The following AKR1E2 variants were observed in gnomAD, a reference collection of about 807,000 sequenced individuals.
The protein encoded by AKR1E2 is 1,5-anhydro-D-fructose reductase.
AKR1E2 carries 43 observed loss-of-function variants against 41.9 expected under a neutral mutation model. That is an observed-to-expected ratio of 1.03 (90% CI 0.80 to 1.32). AKR1E2 has a LOEUF of 1.32. Ranked by LOEUF, AKR1E2 falls within the 40% of genes most tolerant of loss-of-function variation. AKR1E2 has a pLI of 0.00. For synonymous variants in AKR1E2, 121 were observed against 138.9 expected, an observed-to-expected ratio of 0.87 and a Z score of 0.91; for missense variants, 423 against 396.5, an observed-to-expected ratio of 1.07 and a Z score of -0.57.
chr10:4,866,155 C>G, the AKR1E2 span, among the ~76,000 whole-genome samples: 4 of 152,146 alleles, frequency 2.6e-5, no homozygotes, highest in Non-Finnish European at 5.9e-5. Flanking sequence ...CAAAGTGATC[C>G]TCTTTATCAT....
chr10:4,853,233 G>A, the AKR1E2 span, among the ~76,000 whole-genome samples: 1 of 152,126 alleles, frequency 6.6e-6, no homozygotes, highest in Non-Finnish European at 1.5e-5. Context: ...TAATAAGTCT[G>A]GCTTTGTAGA....
chr10:4,848,884 C>T (rs183066086), downstream of AKR1E2, among the ~76,000 whole-genome samples: 11 of 152,340 alleles, frequency 7.2e-5, no homozygotes, highest in East Asian at 1.2e-3. Flanking sequence ...GGAGGAATTG[C>T]AGCACCTCCC....
At chr10:4,853,978 T>G in the AKR1E2 span, among the ~76,000 whole-genome samples, 1 of 152,062 alleles carries the variant, frequency 6.6e-6, no homozygotes, top group African/African-American at 2.4e-5. Flanking sequence ...GCAGAAATAA[T>G]GTACTCCTTG....
At position 4,830,991 on chromosome 10, in the gene AKR1E2, T is replaced by C. The variant is rs779582424; in HGVS notation, c.207+149T>C. 3.6e-4 allele frequency: 371 copies of C among 1,044,908 alleles called. 1 individual carries two copies. Among genetic ancestry groups the C allele is most frequent in the Middle Eastern group, 2.9e-3 (9 of 3,142 alleles). 64.7% of individuals were successfully genotyped at this position (1,044,908 alleles called of 1,614,324 possible). ...TCACAGCTTCATGAGCATGCTGAAT[T>C]ATATTGTGTGCAGGTTTGTTTCATA... On this transcript the variant is annotated intron_variant, in intron 2 of 9. Coordinates refer to ENST00000298375, the MANE Select transcript of AKR1E2 (RefSeq NM_001040177.3).
chr10:4,829,767 G>A lies in AKR1E2; in HGVS notation c.40-908G>A, dbSNP rs151168546. Among the ~76,000 whole-genome samples the A allele has an allele frequency of 1.4e-3, 212 of 152,014 alleles. 3 individuals carry two copies. The highest frequency in any genetic ancestry group is 4.6e-3 in the African/African-American group (190 of 41,458). On this transcript the variant is annotated intron_variant, in intron 1 of 9. Coordinates refer to ENST00000298375, the MANE Select transcript of AKR1E2 (RefSeq NM_001040177.3). The stretch of plus-strand genomic sequence containing the variant: ...TATCTGCATGTTTTACTGTCCATTC[G>A]TGTCAGTTTTTTAAAAAGTTGGCCT...
intron 4 of AKR1E2, among the ~76,000 whole-genome samples, chr10:4,836,731 G>A (rs2961583): frequency 6.6e-6 from 1 of 152,106 alleles, no homozygotes; most frequent in Non-Finnish European, 1.5e-5. Context: ...CAATGTTTTA[G>A]GTCCTAAAAG....
At position 4,837,503 on chromosome 10, in the gene AKR1E2, G is replaced by T. The variant is rs2131533554; in HGVS notation, c.504G>T (p.Gly168=). ...LVITGLVKNI[G]VSNFNHEQLE... ...TCACCGGGCTGGTGAAGAACATCGG[G>T]GTGTCAAACTTCAACCATGAACAGC... The change falls in exon 5 of 10, where the codon GGG becomes GGT. Residue 168 remains glycine, a synonymous_variant. Coordinates refer to ENST00000298375, the MANE Select transcript of AKR1E2 (RefSeq NM_001040177.3). The T allele has an allele frequency of 6.2e-7, 1 of 1,614,142 alleles. No homozygotes were observed. The highest frequency in any genetic ancestry group is 8.5e-7 in the Non-Finnish European group (1 of 1,180,026).
the AKR1E2 span, among the ~76,000 whole-genome samples, chr10:4,864,587 C>CAT: frequency 0.22 from 33,754 of 151,178 alleles, 3,965 homozygotes; most frequent in Middle Eastern, 0.34. Flanking sequence ...TCCTATTCAA[C>CAT]AGTGTTGGAA....
intron 4 of AKR1E2, 123 bp from the exon 5 acceptor site, chr10:4,837,336 G>A: frequency 7.3e-7 from 1 of 1,364,242 alleles, no homozygotes; most frequent in South Asian, 1.6e-5. Context: ...GAAGCTTCAA[G>A]TAAAATATTG....
the AKR1E2 span, among the ~76,000 whole-genome samples, chr10:4,859,243 T>C: frequency 2.0e-5 from 3 of 152,188 alleles, no homozygotes; most frequent in South Asian, 4.1e-4. Flanking sequence ...GGGTTTAGGA[T>C]ACAAATATGA....
the AKR1E2 span, among the ~76,000 whole-genome samples, chr10:4,862,935 T>C: frequency 6.6e-6 from 1 of 151,824 alleles, no homozygotes; most frequent in Non-Finnish European, 1.5e-5. Flanking sequence ...ATGCACCCAA[T>C]GTAGGGGCAC....
the AKR1E2 span, among the ~76,000 whole-genome samples, chr10:4,854,678 T>A: frequency 1.3e-5 from 2 of 152,104 alleles, no homozygotes; most frequent in African/African-American, 2.4e-5. Context: ...ACTACAGCAG[T>A]GATCAGCGGA....
At chr10:4,864,461 C>T in the AKR1E2 span, among the ~76,000 whole-genome samples, 1 of 152,058 alleles carries the variant, frequency 6.6e-6, no homozygotes, top group Non-Finnish European at 1.5e-5. Context: ...GGACATATCT[C>T]AAAATAATAA....
upstream of AKR1E2, among the ~76,000 whole-genome samples, chr10:4,825,810 T>G (rs2131471364): frequency 6.6e-6 from 1 of 152,308 alleles, no homozygotes; most frequent in South Asian, 2.1e-4. Flanking sequence ...GGCCCGGCCA[T>G]GGCGAGGCCC....
At chr10:4,866,643 T>G in the AKR1E2 span, among the ~76,000 whole-genome samples, 1 of 121,032 alleles carries the variant, frequency 8.3e-6, no homozygotes, top group Admixed American at 8.2e-5. Context: ...GTTTTTGTTT[T>G]TGTTTTTTTT....
Position 4,826,213 on chromosome 10 carries a change from A to G in AKR1E2, c.-112A>G. 1.2e-6 allele frequency: 1 copy of G among 810,750 alleles called. No individual in the cohort carries two copies. Among genetic ancestry groups the G allele is most frequent in the Admixed American group, 4.3e-5 (1 of 23,124 alleles). The allele number at this position is 810,750 out of a possible 1,614,324, so 50.2% of individuals were successfully genotyped here. A position where few individuals can be genotyped will look rare whatever the true frequency, so the allele number is the denominator to read the frequency against. On this transcript the variant is annotated 5_prime_UTR_variant, in exon 1 of 10. Coordinates refer to ENST00000298375, the MANE Select transcript of AKR1E2 (RefSeq NM_001040177.3). ...CATTGTCGGAGTGTCAGCCGTCACA[A>G]GGCACTTCCAGCCAGTCGCAACGGC...
intron 2 of AKR1E2, among the ~76,000 whole-genome samples, 194 bp downstream of exon 2, chr10:4,831,036 G>A (rs180742328): frequency 6.6e-5 from 10 of 152,336 alleles, no homozygotes; most frequent in Admixed American, 5.9e-4. Context: ...TGGTCATTCA[G>A]GTAGGAGTAC....
intron 1 of AKR1E2, among the ~76,000 whole-genome samples, chr10:4,830,315 C>A (rs917714597): frequency 6.6e-6 from 1 of 152,050 alleles, no homozygotes; most frequent in Non-Finnish European, 1.5e-5. Context: ...TATTATTGGA[C>A]GCTGTGGTAT....
rs369483049 is a variant in AKR1E2 at position 4,830,640 on chromosome 10, C to A, written c.40-35C>A. The stretch of plus-strand genomic sequence containing the variant: ...GGAGATTTGTGTTGGATTCCTCTGA[C>A]TGTGAGAAGACACTTTGTTTTGTTG... On this transcript the variant is annotated intron_variant, in intron 1 of 9. Coordinates refer to ENST00000298375, the MANE Select transcript of AKR1E2 (RefSeq NM_001040177.3). 8.4e-5 allele frequency: 136 copies of A among 1,610,150 alleles called. No individual in the cohort carries two copies. The African/African-American group carries it at 1.5e-3, about 17-fold the overall frequency.
Sources: gnomAD v4.1 joint callset for allele counts (sites outside exome capture counted in the v4.1 genomes callset) on GRCh38, gnomAD v4.1.1 for gene constraint, MANE v1.5 for transcripts, NCBI Gene and HGNC (gene_info 2026-07-23, HGNC 2026-07-21) for gene names.